Variants in CENPT observed in about 807,000 individuals in gnomAD.
CENPT encodes the protein interphase centromere complex protein 22.
A neutral mutation model predicts 59.7 loss-of-function variants in CENPT; 42 were observed. That is an observed-to-expected ratio of 0.70 (90% CI 0.55 to 0.91). The LOEUF is 0.91. Among genes scored for constraint, CENPT ranks in the 40% least tolerant of loss-of-function variants. The pLI is 0.00. For synonymous variants in CENPT, 295 were observed against 289.6 expected (o/e 1.02, Z -0.19); for missense variants, 716 against 713.4 (o/e 1.00, Z -0.04).
At chr16:67,831,035 G>A (rs1192443885) in intron 10 of CENPT, 181 bp downstream of exon 10, 41 of 769,942 alleles carry the variant, frequency 5.3e-5, no homozygotes, top group Non-Finnish European at 8.2e-5. Context: ...GACACCGAGG[G>A]ACCAAGGAAA....
intron 1 of CENPT, among the ~76,000 whole-genome samples, chr16:67,845,938 GGA>G (rs1351686470): frequency 6.6e-6 from 1 of 152,242 alleles, no homozygotes; most frequent in African/African-American, 2.4e-5. Context: ...TGGAAGAACA[GGA>G]GTACTGAGAG....
Position 67,832,492 on chromosome 16 carries a change from G to T in CENPT, c.164C>A (p.Thr55Lys), listed in dbSNP as rs544714137. The T allele has an allele frequency of 1.2e-6, 2 of 1,614,192 alleles. No homozygotes were observed. The highest frequency in any genetic ancestry group is 2.7e-5 in the African/African-American group (2 of 75,052). The change falls in exon 5 of 16, where the codon ACA becomes AAA. Residue 55 changes from threonine (T) to lysine (K), a missense_variant. Physicochemically the swap from Thr to Lys is moderately conservative, Grantham distance 78. Transcript: ENST00000562787. Reference sequence around the variant, plus strand: ...GGAACGCCCTCTGGCTATCGTCCTTGTTTGGCCACTCAACTTCCTGGGGGA... The same window carrying T: ...GGAACGCCCTCTGGCTATCGTCCTTTTTTGGCCACTCAACTTCCTGGGGGA... ...TASPRKLSGQ[T>K]RTIARGRSHG...
In CENPT at chr16:67,829,907, C is replaced by T. The variant is rs2151283952; in HGVS notation, c.1044G>A (p.Glu348=). ...EEEGVSVSEM[E]ATGAQGPSRV... ...TGCTGGGTCCTTGTGCTCCTGTTGC[C>T]TCCATTTCACTCACACTCACACCTT... Residue 348 remains glutamate, a synonymous_variant, in exon 12 of 16, where the codon GAG becomes GAA. Coordinates refer to ENST00000562787, the MANE Select transcript of CENPT (RefSeq NM_025082.4). 7.4e-6 allele frequency: 12 copies of T among 1,614,254 alleles called. No homozygotes were observed. Among genetic ancestry groups the T allele is most frequent in the Non-Finnish European group, 1.0e-5 (12 of 1,180,046 alleles).
In CENPT at chr16:67,829,929, CCTT is replaced by C. The variant is rs766603424; in HGVS notation, c.1019_1021del (p.Glu340del). On this transcript the variant is annotated inframe_deletion, in exon 12 of 16. Coordinates refer to ENST00000562787, the MANE Select transcript of CENPT (RefSeq NM_025082.4). ...TGCCTCCATTTCACTCACACTCACA[CCTT>C]CTTCTTCCATCTTTTTCTCTGCCTC... The C allele has an allele frequency of 3.3e-5, 53 of 1,614,128 alleles. No homozygotes were observed. The highest frequency in any genetic ancestry group is 3.8e-5 in the Non-Finnish European group (45 of 1,180,062).
At position 67,832,118 on chromosome 16, in the gene CENPT, C is replaced by T. The variant is rs200881668; in HGVS notation, c.290-10G>A. The T allele has an allele frequency of 6.2e-4, 998 of 1,610,814 alleles. 9 individuals are homozygous for T. The highest frequency in any genetic ancestry group is 3.8e-3 in the South Asian group (347 of 90,826). On this transcript the variant is annotated splice_polypyrimidine_tract_variant and intron_variant, in intron 6 of 15. Coordinates refer to ENST00000562787, the MANE Select transcript of CENPT (RefSeq NM_025082.4). ...ATGGAAGATTCTGGGGCTGCAGAAA[C>T]ACCAAGGAGAGGGTGGGGCTGACAG...
chr16:67,841,193 C>CA (rs772893427), intron 1 of CENPT, among the ~76,000 whole-genome samples: 4,386 of 27,516 alleles, frequency 0.16, 817 homozygotes, highest in African/African-American at 0.2. Flanking sequence ...GACTCCTTTA[C>CA]AAAAAAAAAA....
rs752402425 is a variant in CENPT at position 67,842,940 on chromosome 16, A to AGCAGCAGCAGTC, written c.-492+4449_-492+4460dup. The AGCAGCAGCAGTC allele has an allele frequency of 1.2e-6, 2 of 1,610,144 alleles. No homozygotes were observed. The highest frequency in any genetic ancestry group is 1.7e-6 in the Non-Finnish European group (2 of 1,179,152). On this transcript the variant is annotated intron_variant, in intron 1 of 15. Coordinates refer to ENST00000562787, the MANE Select transcript of CENPT (RefSeq NM_025082.4). This position sits in a 1 kb window ranked among gnomAD's most constrained non-coding sequence, Gnocchi z 4.9. ...CAGCAACAGCAGCAGCAGCAGCAGC[A>AGCAGCAGCAGTC]GCAGCAGCAGTCCTCACCCTCTGCC... is the stretch of plus-strand genomic sequence containing the variant.
Position 67,834,040 on chromosome 16 carries a change from C to T in CENPT, c.-181G>A. The T allele has an allele frequency of 4.1e-6, 2 of 490,120 alleles. No individual in the cohort carries two copies. The highest frequency in any genetic ancestry group is 3.6e-6 in the Non-Finnish European group (1 of 278,668). The allele number at this position is 490,120 out of a possible 1,614,324, so 30.4% of individuals were successfully genotyped here. A position where few individuals can be genotyped will look rare whatever the true frequency, so the allele number is the denominator to read the frequency against. ...CAAACTCCGGATGCTTTGGAGGCAG[C>T]CTCGCTGCGGGTAAACCTCGGTTAA... is the stretch of plus-strand genomic sequence containing the variant. On this transcript the variant is annotated 5_prime_UTR_variant, in exon 4 of 16. Coordinates refer to ENST00000562787, the MANE Select transcript of CENPT (RefSeq NM_025082.4).
At chr16:67,840,114 A>T (rs953251648) in intron 1 of CENPT, among the ~76,000 whole-genome samples, 2 of 152,106 alleles carry the variant, frequency 1.3e-5, no homozygotes, top group African/African-American at 4.8e-5. Flanking sequence ...CAGGAGATCG[A>T]GACCATCCTG....
At chr16:67,835,490 C>T (rs1486501645) in intron 2 of CENPT, 48 bp downstream of exon 2, 1 of 152,032 alleles carries the variant, frequency 6.6e-6, no homozygotes, top group Non-Finnish European at 1.5e-5. Context: ...ATGGTTAAAC[C>T]TGTCTCTACT....
At position 67,842,859 on chromosome 16, in the gene CENPT, G is replaced by T. The variant is rs765342722; in HGVS notation, c.-492+4542C>A. On this transcript the variant is annotated intron_variant, in intron 1 of 15. Transcript: ENST00000562787. This position sits in a 1 kb window ranked among gnomAD's most constrained non-coding sequence, Gnocchi z 4.9. ...CCCGCTGGGGCCGCGGCCGCCCGCCGCAGGCAGCAGCAGCAACAGCAGCAG... is the reference window on the plus strand; with the variant it reads ...CCCGCTGGGGCCGCGGCCGCCCGCCTCAGGCAGCAGCAGCAACAGCAGCAG... 1.9e-6 allele frequency: 3 copies of T among 1,607,902 alleles called. No homozygotes were observed. The South Asian group carries it at 3.3e-5, about 18-fold the overall frequency.
rs957100823 is a variant in CENPT at position 67,834,067 on chromosome 16, G to A, written c.-208C>T. 3 of 475,470 alleles carry A rather than the reference G, an allele frequency of 6.3e-6. No individual in the cohort carries two copies. Among genetic ancestry groups the A allele is most frequent in the East Asian group, 3.5e-5 (1 of 28,210 alleles). The allele number at this position is 475,470 out of a possible 1,614,324, so 29.5% of individuals were successfully genotyped here. On this transcript the variant is annotated 5_prime_UTR_variant, in exon 4 of 16. Coordinates refer to ENST00000562787, the MANE Select transcript of CENPT (RefSeq NM_025082.4). ...TCGCTGCGGGTAAACCTCGGTTAAT[G>A]TAATGCAAGCAGCCCAAGTCTTGGC...
At chr16:67,845,449 T>C (rs879794670) in intron 1 of CENPT, among the ~76,000 whole-genome samples, 23 of 152,328 alleles carry the variant, frequency 1.5e-4, no homozygotes, top group Non-Finnish European at 2.8e-4. Context: ...ACTGGACCTC[T>C]GTCTTCCTAG....
rs1204822445 is a variant in CENPT, at chr16:67,830,411, C to G, written c.841G>C (p.Gly281Arg). The G allele has an allele frequency of 6.2e-7, 1 of 1,612,650 alleles. No individual in the cohort carries two copies. The highest frequency in any genetic ancestry group is 8.5e-7 in the Non-Finnish European group (1 of 1,179,466). The change falls in exon 11 of 16, where the codon GGG (glycine) becomes CGG (arginine). Residue 281 changes from glycine (G) to arginine (R), a missense_variant. Gly to Arg is a moderately radical substitution (Grantham distance 125). Coordinates refer to ENST00000562787, the MANE Select transcript of CENPT (RefSeq NM_025082.4). ...QAAGRKTQSS[G>R]PGLQKNSPGK... ...TCACTATTCTTCTGCAGCCCAGGCC[C>G]ACTGCTCTGTGTCTTGCGACCGGCA...
At position 67,829,487 on chromosome 16, in the gene CENPT, CAG is replaced by C. The variant is rs753595432; in HGVS notation, c.1214_1215del (p.Pro405ArgfsTer13). Reference protein sequence around the residue: ...AASPESASSTPESLQARRHHQ... With the variant: ...AASPESASSTXESLQARRHHQ... The stretch of plus-strand genomic sequence containing the variant: ...TGATGTCGCCTGGCCTGGAGAGACT[CAG>C]GGGTGCTGGAGGCCGACTCTGGACT... On this transcript the variant is annotated frameshift_variant, in exon 13 of 16. Coordinates refer to ENST00000562787, the MANE Select transcript of CENPT (RefSeq NM_025082.4). LOFTEE classifies it high-confidence loss of function. 1 of 1,593,258 alleles carries C rather than the reference CAG, an allele frequency of 6.3e-7. No homozygotes were observed. The highest frequency in any genetic ancestry group is 8.5e-7 in the Non-Finnish European group (1 of 1,174,752).
chr16:67,832,880 C>T (rs73593810), intron 4 of CENPT, among the ~76,000 whole-genome samples: 22,854 of 152,090 alleles, frequency 0.15, 1,921 homozygotes, highest in African/African-American at 0.21. Context: ...AAAGCATCCA[C>T]CCCAGACATG....
At position 67,842,973 on chromosome 16, in the gene CENPT, C is replaced by A. The variant is rs747690176; in HGVS notation, c.-492+4428G>T. 1 of 1,609,696 alleles carries A rather than the reference C, an allele frequency of 6.2e-7. No individual in the cohort carries two copies. The highest frequency in any genetic ancestry group is 8.5e-7 in the Non-Finnish European group (1 of 1,178,746). ...CAGTCCTCACCCTCTGCCTCCACTGCCCAGACTGCCCAGCTGCAGCCGAAC... is the reference window on the plus strand; with the variant it reads ...CAGTCCTCACCCTCTGCCTCCACTGACCAGACTGCCCAGCTGCAGCCGAAC... On this transcript the variant is annotated intron_variant, in intron 1 of 15. Transcript: ENST00000562787. The surrounding 1 kb of genome is among the most constrained non-coding windows in gnomAD (Gnocchi z 4.9).
At chr16:67,829,051 G>C in intron 13 of CENPT, 1 of 555,466 alleles carries the variant, frequency 1.8e-6, no homozygotes. Flanking sequence ...CTCCACAGTC[G>C]ACTCGACATC....
chr16:67,831,921 C>T (rs2057694072), intron 7 of CENPT, 31 bp from the exon 8 acceptor site: 2 of 1,602,424 alleles, frequency 1.2e-6, no homozygotes, highest in Admixed American at 1.8e-5. Context: ...TCAGACAGGC[C>T]AGGAAGTCCA....
Sources: allele counts gnomAD v4.1 joint callset (sites outside exome capture counted in the v4.1 genomes callset), GRCh38; gene constraint gnomAD v4.1.1; non-coding constraint Gnocchi (gnomAD v3.1); transcripts MANE v1.5; gene names NCBI Gene and HGNC (gene_info 2026-07-23, HGNC 2026-07-21).